Variants in DST observed in about 807,000 individuals in gnomAD.
DST encodes the protein bullous pemphigoid antigen.
Under a neutral mutation model 875.2 loss-of-function variants are expected in DST, and 253 were observed. That is an observed-to-expected ratio of 0.29 (90% CI 0.26 to 0.32). The LOEUF (loss-of-function observed/expected upper bound fraction) is 0.32. Among genes scored for constraint, DST ranks in the 10% least tolerant of loss-of-function variants. DST has a pLI of 1.00. For synonymous variants in DST, 3,124 were observed against 3,197.1 expected (o/e 0.98, Z 0.77); for missense variants, 8,287 against 9,111.6 (o/e 0.91, Z 3.68).
At chr6:56,760,737 G>A (rs1019464645) in intron 4 of DST, among the ~76,000 whole-genome samples, 1 of 152,158 alleles carries the variant, frequency 6.6e-6, no homozygotes, top group East Asian at 1.9e-4. Context: ...CATTTGCTGA[G>A]CACTTATTAT....
Position 56,607,385 on chromosome 6 carries a change from C to T in DST, c.7243G>A (p.Glu2415Lys), listed in dbSNP as rs1290529733. 4 of 1,612,732 alleles carry T rather than the reference C, an allele frequency of 2.5e-6. No homozygotes were observed. Among genetic ancestry groups the T allele is most frequent in the Non-Finnish European group, 8.5e-7 (1 of 1,179,548 alleles). The change falls in exon 40 of 104, where the codon GAA becomes AAA. Residue 2415 changes from glutamate to lysine, a missense_variant. Glu to Lys is a moderately conservative substitution (Grantham distance 56, BLOSUM62 1). Coordinates refer to ENST00000680361, the MANE Select transcript of DST (RefSeq NM_001374736.1). ...SKMSKFCGVNETENEDNTNRD... is the reference protein window; with the variant it reads ...SKMSKFCGVNKTENEDNTNRD... ...TTTGTATTATCTTCATTCTCTGTTT[C>T]ATTCACACCACAGAATTTACTCATT...
Position 56,574,159 on chromosome 6 carries a change from TA to T in DST, c.13028-273del, listed in dbSNP as rs34399728. On this transcript the variant is annotated intron_variant, in intron 50 of 103. Coordinates refer to ENST00000680361, the MANE Select transcript of DST (RefSeq NM_001374736.1). ...TTGAAAAGAGATTTTTTTGGATGCA[TA>T]AACATTTGAATTGTCACAGAGAGAC... 0.27 allele frequency among the ~76,000 whole-genome samples: 41,376 copies of T among 151,982 alleles called. 6,875 individuals are homozygous for T. Among genetic ancestry groups the T allele is most frequent in the Middle Eastern group, 0.38 (112 of 294 alleles).
chr6:56,580,842 C>A (rs1361900291), intron 49 of DST, among the ~76,000 whole-genome samples: 1 of 148,928 alleles, frequency 6.7e-6, no homozygotes, highest in Non-Finnish European at 1.5e-5. Flanking sequence ...AGGTGATCCT[C>A]CCACCTGAGC....
At chr6:56,935,595 T>C (rs1007515516) in intron 2 of DST, among the ~76,000 whole-genome samples, 2 of 152,292 alleles carry the variant, frequency 1.3e-5, no homozygotes, top group East Asian at 3.9e-4. Context: ...TCAATCTATT[T>C]TATGTACAGA....
At chr6:56,615,905 TCA>T in intron 36 of DST, 1 of 1,614,210 alleles carries the variant, frequency 6.2e-7, no homozygotes, top group Non-Finnish European at 8.5e-7. Context: ...GATTACTAAT[TCA>T]CACTGTCGCA....
chr6:56,828,320 T>C (rs920924080), intron 4 of DST, among the ~76,000 whole-genome samples: 1 of 152,240 alleles, frequency 6.6e-6, no homozygotes, highest in Non-Finnish European at 1.5e-5. Flanking sequence ...CGATTTATAT[T>C]AGTCTGAATA....
intron 2 of DST, among the ~76,000 whole-genome samples, chr6:56,907,867 C>A (rs1291043707): frequency 6.6e-6 from 1 of 152,132 alleles, no homozygotes; most frequent in Non-Finnish European, 1.5e-5. Context: ...ACCCACTGAG[C>A]ATTGCTATAG....
chr6:56,604,900 T>C lies in DST; in HGVS notation c.9728A>G (p.Gln3243Arg), dbSNP rs906532415. Residue 3243 changes from glutamine to arginine, a missense_variant, in exon 40 of 104, where the codon CAA becomes CGA. Physicochemically the swap from Gln to Arg is conservative, Grantham distance 43. Around this residue, in one of 10 missense-constraint regions of DST, gnomAD observed 3,138 missense variants for 3,116.6 expected, o/e 1.01. Coordinates refer to ENST00000680361, the MANE Select transcript of DST (RefSeq NM_001374736.1). ...TTCTTTACTACAAAGATCATTGCTT[T>C]GGATCATGTCATTAAGAGGTGAGTC... ...QKDSPLNDMIQSNDLCSKESI... is the reference protein window; with the variant it reads ...QKDSPLNDMIRSNDLCSKESI... 34 of 1,612,648 alleles carry C rather than the reference T, an allele frequency of 2.1e-5. No homozygotes were observed. Among genetic ancestry groups the C allele is most frequent in the Non-Finnish European group, 2.8e-5 (33 of 1,179,282 alleles).
intron 4 of DST, chr6:56,842,972 G>A (rs1157366531): frequency 1.2e-5 from 15 of 1,250,424 alleles, no homozygotes; most frequent in African/African-American, 1.5e-5. Context: ...TGCCCAAGGA[G>A]TGGTGGCTCT....
chr6:56,583,405 T>G (rs2098068620), intron 49 of DST, among the ~76,000 whole-genome samples: 1 of 152,208 alleles, frequency 6.6e-6, no homozygotes, highest in Non-Finnish European at 1.5e-5. Flanking sequence ...TTTTGAGAAG[T>G]GTCTGTTCAT....
intron 36 of DST, among the ~76,000 whole-genome samples, chr6:56,623,276 G>A (rs941441644): frequency 3.3e-5 from 5 of 152,086 alleles, no homozygotes; most frequent in South Asian, 2.1e-4. Flanking sequence ...CATACTATGA[G>A]AAAAGAACTT....
At chr6:56,618,012 G>A (rs748804205) in intron 36 of DST, 2 of 1,614,086 alleles carry the variant, frequency 1.2e-6, no homozygotes, top group South Asian at 2.2e-5. Context: ...ACCTTCACCA[G>A]TTCCATTTCA....
chr6:56,713,784 G>A (rs2099386030), intron 5 of DST, among the ~76,000 whole-genome samples: 2 of 152,150 alleles, frequency 1.3e-5, no homozygotes, highest in Admixed American at 1.3e-4. Flanking sequence ...TCAAGGACTG[G>A]AAAATCTAGG....
At chr6:56,643,106 TAA>T (rs1374593472) in intron 15 of DST, 4 of 345,170 alleles carry the variant, frequency 1.2e-5, no homozygotes, top group Non-Finnish European at 2.1e-5. Context: ...ATATTTGCAC[TAA>T]GAGTCATCCA....
At chr6:56,701,762 C>T in intron 8 of DST, 126 bp downstream of exon 8, 1 of 584,616 alleles carries the variant, frequency 1.7e-6, no homozygotes, top group South Asian at 2.7e-5. Context: ...ATTTGCTTCA[C>T]CAAAGCACAA....
chr6:56,514,491 A>G (rs1024344583), intron 72 of DST, among the ~76,000 whole-genome samples: 12 of 152,014 alleles, frequency 7.9e-5, no homozygotes, highest in African/African-American at 2.9e-4. Context: ...CATATTCCAA[A>G]CAATGATGTA....
intron 36 of DST, chr6:56,614,818 T>A: frequency 5.0e-6 from 5 of 1,002,578 alleles, no homozygotes; most frequent in Non-Finnish European, 5.9e-6. Flanking sequence ...AGCATTACAA[T>A]CCTAATTGTC....
intron 5 of DST, among the ~76,000 whole-genome samples, chr6:56,719,703 T>G (rs2099407439): frequency 6.6e-6 from 1 of 152,128 alleles, no homozygotes; most frequent in Non-Finnish European, 1.5e-5. Context: ...GTCAGCCGGT[T>G]TGAGAAATAA....
intron 72 of DST, among the ~76,000 whole-genome samples, chr6:56,513,660 G>A (rs1289376386): frequency 6.6e-6 from 1 of 152,210 alleles, no homozygotes; most frequent in Non-Finnish European, 1.5e-5. Context: ...CACTGTGCCT[G>A]GCCGAGGAGC....
Sources: allele counts gnomAD v4.1 joint callset (sites outside exome capture counted in the v4.1 genomes callset), GRCh38; gene constraint gnomAD v4.1.1; regional missense constraint gnomAD v4.1.1; transcripts MANE v1.5; gene names NCBI Gene and HGNC (gene_info 2026-07-23, HGNC 2026-07-21).